The following PACS1 variants were observed in gnomAD, a reference collection of about 807,000 sequenced individuals.
The protein encoded by PACS1 is PACS-1.
Under a neutral mutation model 115.0 loss-of-function variants are expected in PACS1, and 24 were observed. That is an observed-to-expected ratio of 0.21 (90% CI 0.15 to 0.29). PACS1 has a LOEUF of 0.29. Among genes scored for constraint, PACS1 ranks in the 10% least tolerant of loss-of-function variants. The probability of loss-of-function intolerance (pLI) is 1.00; values close to 1 mark genes in which losing one functional copy is unlikely to be tolerated. For missense variants in PACS1, 838 were observed against 1,251.2 expected, an observed-to-expected ratio of 0.67 and a Z score of 4.98; for synonymous variants, 453 against 504.5, an observed-to-expected ratio of 0.90 and a Z score of 1.37.
At chr11:66,126,431 A>G (rs550911433) in intron 1 of PACS1, among the ~76,000 whole-genome samples, 1 of 152,226 alleles carries the variant, frequency 6.6e-6, no homozygotes, top group Non-Finnish European at 1.5e-5. Flanking sequence ...GTTTTCCTTA[A>G]TTGGAACCTG....
Position 66,235,974 on chromosome 11 carries a change from C to G in PACS1, c.2250+34C>G, listed in dbSNP as rs1014838337. On this transcript the variant is annotated intron_variant, in intron 19 of 23. Coordinates refer to ENST00000320580, the MANE Select transcript of PACS1 (RefSeq NM_018026.4). The surrounding 1 kb of genome is among the most constrained non-coding windows in gnomAD (Gnocchi z 5.6). ...TGACTCCCTCTGCTTGGCACCCCAC[C>G]CGTTCTCCTGGTCTTCCTGTTCCCC... The G allele has an allele frequency of 6.3e-7, 1 of 1,591,594 alleles. No homozygotes were observed. The highest frequency in any genetic ancestry group is 1.1e-5 in the South Asian group (1 of 90,640).
intron 1 of PACS1, among the ~76,000 whole-genome samples, chr11:66,177,803 G>A (rs1236434108): frequency 2.6e-5 from 4 of 151,998 alleles, no homozygotes; most frequent in African/African-American, 9.7e-5. Context: ...TTGTAGACAC[G>A]GGGTCTCACA....
At chr11:66,204,961 G>A (rs1447901959) in intron 2 of PACS1, among the ~76,000 whole-genome samples, 1 of 152,018 alleles carries the variant, frequency 6.6e-6, no homozygotes, top group Non-Finnish European at 1.5e-5. Flanking sequence ...GAGCACCATA[G>A]TGAAACCCCA....
At chr11:66,159,606 G>A (rs1489967381) in intron 1 of PACS1, among the ~76,000 whole-genome samples, 3 of 152,118 alleles carry the variant, frequency 2.0e-5, no homozygotes, top group Admixed American at 6.5e-5. Context: ...TTTCAGTTTT[G>A]GGGGTGGGGG....
intron 10 of PACS1, among the ~76,000 whole-genome samples, chr11:66,225,515 C>T (rs1024790408): frequency 5.9e-5 from 9 of 152,208 alleles, no homozygotes; most frequent in African/African-American, 1.4e-4. Flanking sequence ...AAGATATTAT[C>T]AGGAGATGGA....
chr11:66,227,250 A>G (rs1400854622), intron 10 of PACS1, among the ~76,000 whole-genome samples: 1 of 152,164 alleles, frequency 6.6e-6, no homozygotes, highest in Non-Finnish European at 1.5e-5. Flanking sequence ...GCCTAGTGAC[A>G]CCTCGTGGAG....
At chr11:66,105,103 C>T (rs537957059) in intron 1 of PACS1, among the ~76,000 whole-genome samples, 1 of 152,126 alleles carries the variant, frequency 6.6e-6, no homozygotes, top group South Asian at 2.1e-4. Flanking sequence ...TTCATTAGTA[C>T]AATGGAGTAT....
Position 66,238,281 on chromosome 11 carries a change from G to A in PACS1, c.2251-523G>A, listed in dbSNP as rs149031688. On this transcript the variant is annotated intron_variant, in intron 19 of 23. Coordinates refer to ENST00000320580, the MANE Select transcript of PACS1 (RefSeq NM_018026.4). ...TAGACTCTCCCACCTGGCAGAGACA[G>A]AGCCATCTTCCTAGGCCCTCTGCCC... 102 of 985,240 alleles carry A rather than the reference G, an allele frequency of 1.0e-4. No homozygotes were observed. The East Asian group carries it at 8.8e-3, about 85-fold the overall frequency. The allele number at this position is 985,240 out of a possible 1,614,324, so 61.0% of individuals were successfully genotyped here. A position where few individuals can be genotyped will look rare whatever the true frequency, so the allele number is the denominator to read the frequency against.
intron 1 of PACS1, among the ~76,000 whole-genome samples, chr11:66,103,004 T>C (rs1331898201): frequency 6.6e-6 from 1 of 152,098 alleles, no homozygotes; most frequent in East Asian, 1.9e-4. Flanking sequence ...CTAATTTTTG[T>C]ATTTTTAGTA....
intron 4 of PACS1, among the ~76,000 whole-genome samples, chr11:66,215,773 G>T (rs963225009): frequency 8.6e-5 from 13 of 151,662 alleles, no homozygotes; most frequent in African/African-American, 1.5e-4. Flanking sequence ...GGTGGCAGAC[G>T]CCTGTAATCC....
intron 1 of PACS1, among the ~76,000 whole-genome samples, chr11:66,107,289 C>T (rs574439319): frequency 2.0e-5 from 3 of 152,236 alleles, no homozygotes; most frequent in South Asian, 4.1e-4. Context: ...AGTCATGGTT[C>T]ATTTTCACTC....
At chr11:66,209,953 T>C (rs577890635) in intron 2 of PACS1, among the ~76,000 whole-genome samples, 4 of 152,192 alleles carry the variant, frequency 2.6e-5, no homozygotes, top group African/African-American at 9.6e-5. Flanking sequence ...TTGTAGAGTT[T>C]AGAAGTTGTT....
intron 1 of PACS1, among the ~76,000 whole-genome samples, chr11:66,184,506 TAGA>T (rs1459803889): frequency 6.6e-6 from 1 of 152,194 alleles, no homozygotes; most frequent in Admixed American, 6.5e-5. Context: ...TAGAATTATT[TAGA>T]AGGTTTCAAA....
intron 1 of PACS1, chr11:66,100,787 G>A: frequency 2.2e-6 from 1 of 456,304 alleles, no homozygotes; most frequent in Non-Finnish European, 4.4e-6. Flanking sequence ...TCTGGCAGCT[G>A]ATGCCAGCTA....
At chr11:66,196,394 T>C (rs946959993) in intron 2 of PACS1, among the ~76,000 whole-genome samples, 1 of 152,242 alleles carries the variant, frequency 6.6e-6, no homozygotes, top group African/African-American at 2.4e-5. Context: ...GATGTCTGTC[T>C]CTAAGACTAG....
At chr11:66,240,287 G>C (rs1855785295) in intron 21 of PACS1, among the ~76,000 whole-genome samples, 1 of 152,130 alleles carries the variant, frequency 6.6e-6, no homozygotes, top group Non-Finnish European at 1.5e-5. Context: ...TTTAGATCAA[G>C]GGTCCAGCAG....
At chr11:66,183,495 C>A (rs1267147841) in intron 1 of PACS1, among the ~76,000 whole-genome samples, 3 of 152,216 alleles carry the variant, frequency 2.0e-5, no homozygotes, top group Non-Finnish European at 4.4e-5. Context: ...ATGCCTTGCT[C>A]ATATGACACA....
intron 19 of PACS1, 60 bp from the exon 20 acceptor site, chr11:66,238,744 G>T: frequency 7.0e-7 from 1 of 1,429,034 alleles, no homozygotes; most frequent in Non-Finnish European, 9.7e-7. Context: ...GTTTCTGGTT[G>T]GATCAGAACA....
intron 7 of PACS1, among the ~76,000 whole-genome samples, chr11:66,218,964 AT>A (rs1255465998): frequency 6.6e-6 from 1 of 152,016 alleles, no homozygotes; most frequent in Non-Finnish European, 1.5e-5. Context: ...AAATAGAGAG[AT>A]AAGGCTAGAA....
Sources: gnomAD v4.1 joint callset for allele counts (sites outside exome capture counted in the v4.1 genomes callset) on GRCh38, gnomAD v4.1.1 for gene constraint, Gnocchi (gnomAD v3.1) non-coding constraint, MANE v1.5 for transcripts, NCBI Gene and HGNC (gene_info 2026-07-23, HGNC 2026-07-21) for gene names.